CCDC83: variants seen among roughly 807,000 people sequenced by gnomAD.
The protein encoded by CCDC83 is coiled-coil domain-containing protein 83.
A neutral mutation model predicts 50.1 loss-of-function variants in CCDC83; 54 were observed. The observed-to-expected ratio is 1.08, with a 90% CI of 0.87 to 1.35. CCDC83 has a LOEUF of 1.35. CCDC83 is among the 40% of genes most tolerant of loss of function. The pLI is 0.00. For synonymous variants in CCDC83, 161 were observed against 153.3 expected (o/e 1.05, Z -0.37); for missense variants, 518 against 473.9 (o/e 1.09, Z -0.86).
intron 5 of CCDC83, among the ~76,000 whole-genome samples, chr11:85,894,728 A>C (rs756251152): frequency 6.6e-6 from 1 of 152,212 alleles, no homozygotes; most frequent in Non-Finnish European, 1.5e-5. Context: ...TTTGGCATAC[A>C]GAAAGAGCTT....
intron 8 of CCDC83, among the ~76,000 whole-genome samples, chr11:85,914,205 C>T (rs575834999): frequency 6.6e-6 from 1 of 152,298 alleles, no homozygotes; most frequent in South Asian, 2.1e-4. Context: ...ACACTTTATT[C>T]ATGTTCTTTA....
rs767388038 is a variant in CCDC83 at position 85,916,133 on chromosome 11, A to T, written c.980A>T (p.Asp327Val). ...LHLSHENSIE[D>V]LQYVKIDKEE... ...CTTAGTCATGAAAATAGCATCGAAG[A>T]TCTCCAGTATGTGAAGATAGATAAA... Residue 327 changes from aspartate to valine, a missense_variant, in exon 10 of 11, where the codon GAT (aspartate) becomes GTT (valine). By Grantham distance (152) the Asp-to-Val change is radical. Coordinates refer to ENST00000342404, the MANE Select transcript of CCDC83 (RefSeq NM_001286159.2). 1.2e-6 allele frequency: 2 copies of T among 1,613,192 alleles called. No individual in the cohort carries two copies. The highest frequency in any genetic ancestry group is 1.3e-5 in the African/African-American group (1 of 74,890).
intron 1 of CCDC83, among the ~76,000 whole-genome samples, chr11:85,861,810 A>C (rs923387433): frequency 2.0e-5 from 3 of 151,866 alleles, no homozygotes; most frequent in Non-Finnish European, 2.9e-5. Flanking sequence ...GGAGTTCAAG[A>C]CCATCCTGAG....
In CCDC83 at chr11:85,911,379, A is replaced by T. The variant is rs1481000405; in HGVS notation, c.771A>T (p.Arg257Ser). Reference sequence around the variant, plus strand: ...TTATTGATCAACTATCCAACTGTAGACTTGTGGATCTCAAGATACCCAGGT... The same window carrying T: ...TTATTGATCAACTATCCAACTGTAGTCTTGTGGATCTCAAGATACCCAGGT... ...LVLIDQLSNC[R>S]LVDLKIPRRL... The change falls in exon 8 of 11, where the codon AGA (arginine) becomes AGT (serine). Residue 257 changes from arginine (R) to serine (S), a missense_variant. By Grantham distance (110) the Arg-to-Ser change is moderately radical (BLOSUM62 -1). Coordinates refer to ENST00000342404, the MANE Select transcript of CCDC83 (RefSeq NM_001286159.2). 1.2e-6 allele frequency: 2 copies of T among 1,607,770 alleles called. No homozygotes were observed. The highest frequency in any genetic ancestry group is 2.7e-5 in the African/African-American group (2 of 74,656).
intron 2 of CCDC83, among the ~76,000 whole-genome samples, chr11:85,871,722 T>G (rs995838363): frequency 2.0e-5 from 3 of 152,208 alleles, no homozygotes; most frequent in South Asian, 2.1e-4. Flanking sequence ...CCTGAGATCA[T>G]GTAGACAAGA....
intron 2 of CCDC83, among the ~76,000 whole-genome samples, chr11:85,872,670 T>C (rs2093245692): frequency 6.6e-6 from 1 of 152,220 alleles, no homozygotes; most frequent in South Asian, 2.1e-4. Context: ...CTATCTCTCT[T>C]TCATACCTTA....
At chr11:85,901,318 A>G (rs915405300) in intron 7 of CCDC83, among the ~76,000 whole-genome samples, 2 of 152,024 alleles carry the variant, frequency 1.3e-5, no homozygotes, top group Admixed American at 1.3e-4. Flanking sequence ...CATGCCTGTA[A>G]TTCCAGCACT....
chr11:85,911,518 AAAAG>A (rs1317521953), intron 8 of CCDC83, 116 bp downstream of exon 8: 2 of 829,830 alleles, frequency 2.4e-6, no homozygotes, highest in East Asian at 5.7e-5. Flanking sequence ...GCAGTAGTCA[AAAAG>A]AAAGGGACAA....
chr11:85,917,169 A>AG (rs759852369), intron 10 of CCDC83, among the ~76,000 whole-genome samples: 1,771 of 89,678 alleles, frequency 0.02, 14 homozygotes, highest in African/African-American at 0.026. Context: ...AGAGAGAGAG[A>AG]AAGAAAGAAA....
Position 85,865,089 on chromosome 11 carries a change from TA to T in CCDC83, c.-28-4del. 7.2e-7 allele frequency: 1 copy of T among 1,387,892 alleles called. No homozygotes were observed. The allele number at this position is 1,387,892 out of a possible 1,614,324, so 86.0% of individuals were successfully genotyped here. Reference sequence around the variant, plus strand: ...TTTTCACTTTCGTATGTCTCCTTTCTAAACAGGTATATTTCTTCATAGCTAA... The same window carrying T: ...TTTTCACTTTCGTATGTCTCCTTTCTAACAGGTATATTTCTTCATAGCTAA... On this transcript the variant is annotated splice_region_variant and splice_polypyrimidine_tract_variant and intron_variant, in intron 1 of 10. Coordinates refer to ENST00000342404, the MANE Select transcript of CCDC83 (RefSeq NM_001286159.2).
rs1259009272 is a variant in CCDC83 at position 85,919,397 on chromosome 11, A to G, written c.1129A>G (p.Ser377Gly). The change falls in exon 11 of 11, where the codon AGC becomes GGC. Residue 377 changes from serine to glycine, a missense_variant. By Grantham distance (56) the Ser-to-Gly change is moderately conservative. Coordinates refer to ENST00000342404, the MANE Select transcript of CCDC83 (RefSeq NM_001286159.2). Reference protein sequence around the residue: ...PLGVKLMSVESKKMPIHFQEK... With the variant: ...PLGVKLMSVEGKKMPIHFQEK... ...GGGAGTGAAGCTTATGAGTGTGGAG[A>G]GCAAGAAAATGCCCATTCATTTTCA... The G allele has an allele frequency of 6.2e-7, 1 of 1,613,808 alleles. No homozygotes were observed. The highest frequency in any genetic ancestry group is 8.5e-7 in the Non-Finnish European group (1 of 1,179,860).
intron 2 of CCDC83, among the ~76,000 whole-genome samples, chr11:85,872,344 G>A (rs376946164): frequency 5.2e-4 from 79 of 152,272 alleles, no homozygotes; most frequent in Middle Eastern, 3.4e-3. Flanking sequence ...AATTAGCCGG[G>A]TGTGGGGGCA....
chr11:85,916,380 C>T (rs1027898957), intron 10 of CCDC83, 147 bp downstream of exon 10: 14 of 667,182 alleles, frequency 2.1e-5, no homozygotes, highest in Non-Finnish European at 3.7e-5. Context: ...TCACATCTCT[C>T]ATTTGGATAC....
intron 5 of CCDC83, among the ~76,000 whole-genome samples, chr11:85,886,942 G>T (rs186109700): frequency 6.6e-4 from 101 of 152,180 alleles, no homozygotes; most frequent in African/African-American, 2.3e-3. Context: ...TCATTCAATG[G>T]ATGGGGTCTG....
At chr11:85,896,572 A>G (rs1259898686) in intron 6 of CCDC83, among the ~76,000 whole-genome samples, 3 of 152,060 alleles carry the variant, frequency 2.0e-5, no homozygotes, top group African/African-American at 7.2e-5. Context: ...AAAATATTAA[A>G]ATAAAAGTTT....
At chr11:85,916,415 A>G (rs1240116799) in intron 10 of CCDC83, 182 bp downstream of exon 10, 13 of 593,524 alleles carry the variant, frequency 2.2e-5, no homozygotes, top group Non-Finnish European at 3.0e-5. Flanking sequence ...CTCTTGCCCA[A>G]TTTGCTACCT....
At chr11:85,903,176 T>C (rs1393941880) in intron 7 of CCDC83, among the ~76,000 whole-genome samples, 2 of 152,062 alleles carry the variant, frequency 1.3e-5, no homozygotes, top group African/African-American at 4.8e-5. Flanking sequence ...GAGGTTGCAG[T>C]GAGCTGAGAG....
At chr11:85,917,945 G>A (rs1321614404) in intron 10 of CCDC83, 1 of 152,156 alleles carries the variant, frequency 6.6e-6, no homozygotes, top group East Asian at 1.9e-4. Context: ...AACTGCCATG[G>A]CCATGGTGTA....
chr11:85,866,566 T>C (rs1355012269), intron 2 of CCDC83, among the ~76,000 whole-genome samples: 3 of 151,824 alleles, frequency 2.0e-5, no homozygotes, highest in African/African-American at 7.3e-5. Context: ...GACGGGAGGA[T>C]TGCCTGAGCC....
Sources: allele counts gnomAD v4.1 joint callset (sites outside exome capture counted in the v4.1 genomes callset), GRCh38; gene constraint gnomAD v4.1.1; transcripts MANE v1.5; gene names NCBI Gene and HGNC (gene_info 2026-07-23, HGNC 2026-07-21).